Variants in SPDYE14 observed in about 807,000 individuals in gnomAD.
SPDYE14 encodes speedy protein E14.
chr7:75,276,565 C>T, the SPDYE14 span, among the ~76,000 whole-genome samples: 6 of 29,018 alleles, frequency 2.1e-4, 3 homozygotes, highest in Non-Finnish European at 5.1e-4. Context: ...GGCAACACAG[C>T]GAGACTCTGT....
chr7:75,261,057 G>A, the SPDYE14 span, among the ~76,000 whole-genome samples: 1 of 84,310 alleles, frequency 1.2e-5, no homozygotes, highest in African/African-American at 2.9e-5. Flanking sequence ...CCTGGGAGGT[G>A]GAGGTTGCAG....
At chr7:75,246,858 C>T in the SPDYE14 span, among the ~76,000 whole-genome samples, 71 of 99,722 alleles carry the variant, frequency 7.1e-4, no homozygotes, top group South Asian at 1.3e-3. Flanking sequence ...TGTCACAAGC[C>T]TTGTCTTCAC....
chr7:75,241,684 T>A, the SPDYE14 span, among the ~76,000 whole-genome samples: 23 of 24,778 alleles, frequency 9.3e-4, 5 homozygotes, highest in African/African-American at 1.9e-3. Flanking sequence ...AAAAAAAATA[T>A]ATATATATAT....
the SPDYE14 span, among the ~76,000 whole-genome samples, chr7:75,241,678 A>T: frequency 0.38 from 8,089 of 21,064 alleles, 2,787 homozygotes; most frequent in Middle Eastern, 0.65. Context: ...GTAAAAAAAA[A>T]AAATATATAT....
the SPDYE14 span, among the ~76,000 whole-genome samples, chr7:75,265,263 C>T: frequency 9.3e-6 from 1 of 107,474 alleles, no homozygotes; most frequent in Non-Finnish European, 1.9e-5. Flanking sequence ...CCATGCCTGG[C>T]TAATTTTTTT....
the SPDYE14 span, among the ~76,000 whole-genome samples, chr7:75,276,668 G>C: frequency 7.8e-5 from 8 of 102,496 alleles, no homozygotes; most frequent in African/African-American, 2.6e-4. Context: ...AGGCTGAAGC[G>C]GGAGGAATGC....
At chr7:75,249,575 T>C in the SPDYE14 span, among the ~76,000 whole-genome samples, 2 of 112,706 alleles carry the variant, frequency 1.8e-5, no homozygotes, top group South Asian at 3.1e-4. Flanking sequence ...TCTTCCTTCC[T>C]TCTTTCCTTC....
chr7:75,275,040 G>C, the SPDYE14 span, among the ~76,000 whole-genome samples: 19 of 50,082 alleles, frequency 3.8e-4, 1 homozygote, highest in South Asian at 0.011. Flanking sequence ...CAGCCGCCCC[G>C]TCCGGGAGGG....
the SPDYE14 span, among the ~76,000 whole-genome samples, chr7:75,258,121 C>G: frequency 3.7e-5 from 2 of 54,342 alleles, 1 homozygote. Context: ...GCCATTATGC[C>G]TGTCCTGCCT....
At chr7:75,278,928 T>G in the SPDYE14 span, among the ~76,000 whole-genome samples, 5 of 50,328 alleles carry the variant, frequency 9.9e-5, no homozygotes, top group Non-Finnish European at 1.5e-4. Context: ...GGTGACAGAG[T>G]GAGACTCTGT....
At chr7:75,279,388 G>A in the SPDYE14 span, among the ~76,000 whole-genome samples, 3 of 104,612 alleles carry the variant, frequency 2.9e-5, no homozygotes, top group South Asian at 3.3e-4. Context: ...CTGGATTCAA[G>A]CGATTCTCTC....
the SPDYE14 span, among the ~76,000 whole-genome samples, chr7:75,268,869 GA>G: frequency 6.2e-4 from 15 of 24,010 alleles, no homozygotes; most frequent in South Asian, 1.7e-3. Context: ...GAGAGAGAGA[GA>G]GAGAGAGAGA....
chr7:75,278,092 A>T, the SPDYE14 span, among the ~76,000 whole-genome samples: 6 of 56,734 alleles, frequency 1.1e-4, 1 homozygote, highest in African/African-American at 2.5e-4. Flanking sequence ...GGGCCAGGGG[A>T]GTGGAGAACT....
At chr7:75,275,542 A>AAG in the SPDYE14 span, among the ~76,000 whole-genome samples, 1 of 48,240 alleles carries the variant, frequency 2.1e-5, no homozygotes, top group Non-Finnish European at 5.3e-5. Flanking sequence ...CATGCTCGTT[A>AAG]AGAGTCATCA....
the SPDYE14 span, among the ~76,000 whole-genome samples, chr7:75,247,861 C>CT: frequency 8.9e-4 from 10 of 11,294 alleles, no homozygotes; most frequent in Middle Eastern, 0.028. Context: ...TGGGAGAATT[C>CT]TTTTTTTTTT....
the SPDYE14 span, among the ~76,000 whole-genome samples, chr7:75,261,453 C>CTTTTTTTT: frequency 5.0e-5 from 2 of 39,934 alleles, no homozygotes. Context: ...TCAAGAACAC[C>CTTTTTTTT]TTTTTTTTTT....
the SPDYE14 span, among the ~76,000 whole-genome samples, chr7:75,241,680 A>AATAT: frequency 1.5e-4 from 3 of 19,742 alleles, no homozygotes; most frequent in Non-Finnish European, 2.3e-4. Context: ...AAAAAAAAAA[A>AATAT]ATATATATAT....
chr7:75,261,453 C>T, the SPDYE14 span, among the ~76,000 whole-genome samples: 3 of 39,934 alleles, frequency 7.5e-5, no homozygotes, highest in African/African-American at 9.6e-5. Flanking sequence ...TCAAGAACAC[C>T]TTTTTTTTTT....
chr7:75,275,134 G>T, the SPDYE14 span, among the ~76,000 whole-genome samples: 1 of 58,826 alleles, frequency 1.7e-5, no homozygotes, highest in African/African-American at 4.1e-5. Context: ...CCGGCCAGCC[G>T]CCCCGTCCGG....
Sources: allele counts gnomAD v4.1 joint callset (sites outside exome capture counted in the v4.1 genomes callset), GRCh38; gene constraint gnomAD v4.1.1; transcripts MANE v1.5; gene names NCBI Gene and HGNC (gene_info 2026-07-23, HGNC 2026-07-21).